The following ZAR1 variants were observed in gnomAD, a reference collection of about 807,000 sequenced individuals.
ZAR1 encodes zygote arrest 1.
A neutral mutation model predicts 38.3 loss-of-function variants in ZAR1; 37 were observed. That is an observed-to-expected ratio of 0.97 (90% confidence interval 0.74 to 1.27). The LOEUF is 1.27. ZAR1 is among the 50% of genes most tolerant of loss of function. ZAR1 has a pLI of 0.00. For synonymous variants in ZAR1, 336 were observed against 292.0 expected (o/e 1.15, Z -1.53); for missense variants, 651 against 632.4 (o/e 1.03, Z -0.32).
chr4:48,492,516 G>C (rs755423320), intron 1 of ZAR1, among the ~76,000 whole-genome samples: 1 of 152,102 alleles, frequency 6.6e-6, no homozygotes, highest in Non-Finnish European at 1.5e-5. Flanking sequence ...CTACTTATTC[G>C]TTTATTAGCC....
chr4:48,491,114 C>T lies in ZAR1; in HGVS notation c.823C>T (p.Arg275Trp). 7.9e-7 allele frequency: 1 copy of T among 1,268,166 alleles called. No individual in the cohort carries two copies. The highest frequency in any genetic ancestry group is 9.9e-7 in the Non-Finnish European group (1 of 1,008,902). The allele number at this position is 1,268,166 out of a possible 1,614,324, so 78.6% of individuals were successfully genotyped here. ...GGCCCAGGAGGGCGAGGCGGCTCCG[C>T]GGTCGGCGCTAAGGAGCCCGGGGCA... ...REAQEGEAAPRSALRSPGQPP... is the reference protein window; with the variant it reads ...REAQEGEAAPWSALRSPGQPP... Residue 275 changes from arginine (R) to tryptophan (W), a missense_variant, in exon 1 of 4, where the codon CGG becomes TGG. This residue lies in a region of ZAR1 where 522 missense variants were observed against 459.9 expected (regional missense o/e 1.14). Coordinates refer to ENST00000327939, the MANE Select transcript of ZAR1 (RefSeq NM_175619.3).
downstream of ZAR1, among the ~76,000 whole-genome samples, chr4:48,495,971 G>A (rs1577776602): frequency 3.9e-5 from 6 of 152,278 alleles, no homozygotes; most frequent in South Asian, 1.2e-3. Flanking sequence ...CTCTACTGGA[G>A]TGCAGGGGCT....
At position 48,494,320 on chromosome 4, in the gene ZAR1, C is replaced by A. The variant is rs543465240; in HGVS notation, c.*76C>A. 1,351 of 1,563,882 alleles carry A rather than the reference C, an allele frequency of 8.6e-4. 1 individual carries two copies. Among genetic ancestry groups the A allele is most frequent in the Non-Finnish European group, 1.1e-3 (1,263 of 1,145,626 alleles). ...TTTCCGTGCCTCTCCTCCACCTCTC[C>A]CTTCTCAAAATACTTCATGAAAGGC... On this transcript the variant is annotated 3_prime_UTR_variant, in exon 4 of 4. Transcript: ENST00000327939.
At position 48,492,966 on chromosome 4, in the gene ZAR1, G is replaced by A; in HGVS notation, c.1085G>A (p.Cys362Tyr). 6.2e-7 allele frequency: 1 copy of A among 1,614,206 alleles called. No individual in the cohort carries two copies. The highest frequency in any genetic ancestry group is 8.5e-7 in the Non-Finnish European group (1 of 1,180,032). The change falls in exon 3 of 4, where the codon TGT becomes TAT. Residue 362 changes from cysteine (C) to tyrosine (Y), a missense_variant. Transcript: ENST00000327939. Reference sequence around the variant, plus strand: ...TACTTCAAACAGTTTTGCAGAACTTGTCAGAAGTCTTATAACCCTTACCGA... The same window carrying A: ...TACTTCAAACAGTTTTGCAGAACTTATCAGAAGTCTTATAACCCTTACCGA... Reference protein sequence around the residue: ...KVYFKQFCRTCQKSYNPYRVE... With the variant: ...KVYFKQFCRTYQKSYNPYRVE...
At chr4:48,496,424 A>G (rs1718614310), downstream of ZAR1, among the ~76,000 whole-genome samples, 2 of 19,492 alleles carry the variant, frequency 1.0e-4, no homozygotes, top group South Asian at 7.0e-3. Context: ...ATGTACCTAC[A>G]TTGAGTCCTA....
downstream of ZAR1, among the ~76,000 whole-genome samples, chr4:48,496,913 T>C (rs533502764): frequency 1.3e-5 from 2 of 152,342 alleles, no homozygotes; most frequent in South Asian, 4.1e-4. Context: ...ATGTGAGCAG[T>C]ATTCACTCAC....
Position 48,490,282 on chromosome 4 carries a change from C to T in ZAR1, c.-10C>T, listed in dbSNP as rs1282204322. 3.3e-6 allele frequency: 5 copies of T among 1,495,798 alleles called. No individual in the cohort carries two copies. The highest frequency in any genetic ancestry group is 4.4e-6 in the Non-Finnish European group (5 of 1,129,170). The allele number at this position is 1,495,798 out of a possible 1,614,324, so 92.7% of individuals were successfully genotyped here. A position where few individuals can be genotyped will look rare whatever the true frequency, so the allele number is the denominator to read the frequency against. On this transcript the variant is annotated 5_prime_UTR_variant, in exon 1 of 4. Coordinates refer to ENST00000327939, the MANE Select transcript of ZAR1 (RefSeq NM_175619.3). ...TTTAGGGTGCGGCGGCGGGCGGGAGCAGTGCGCCCATGGCGGCCCTGGGGG... is the reference window on the plus strand; with the variant it reads ...TTTAGGGTGCGGCGGCGGGCGGGAGTAGTGCGCCCATGGCGGCCCTGGGGG...
chr4:48,496,475 T>C (rs886204623), downstream of ZAR1, among the ~76,000 whole-genome samples: 1 of 152,252 alleles, frequency 6.6e-6, no homozygotes, highest in African/African-American at 2.4e-5. Context: ...GTTACATTGT[T>C]CTTTAATATT....
At chr4:48,494,400 G>A, downstream of ZAR1, 1 of 935,674 alleles carries the variant, frequency 1.1e-6, no homozygotes, top group South Asian at 1.6e-5. Context: ...TTTATACATT[G>A]CATAAAATCT....
chr4:48,490,694 G>A lies in ZAR1; in HGVS notation c.403G>A (p.Glu135Lys). 1 of 1,316,388 alleles carries A rather than the reference G, an allele frequency of 7.6e-7. No individual in the cohort carries two copies. Among genetic ancestry groups the A allele is most frequent in the Non-Finnish European group, 9.6e-7 (1 of 1,037,720 alleles). The allele number at this position is 1,316,388 out of a possible 1,614,324, so 81.5% of individuals were successfully genotyped here. ...GCTGCAGCGCCGGGCCCGCGACCCCGAGTCCCCGGCCGGCCCCGGGGCCGA... is the reference window on the plus strand; with the variant it reads ...GCTGCAGCGCCGGGCCCGCGACCCCAAGTCCCCGGCCGGCCCCGGGGCCGA... ...RTLQRRARDP[E>K]SPAGPGAEGT... Residue 135 changes from glutamate (E) to lysine (K), a missense_variant, in exon 1 of 4, where the codon GAG (glutamate) becomes AAG (lysine). By Grantham distance (56) the Glu-to-Lys change is moderately conservative (BLOSUM62 1). This residue lies in a region of ZAR1 where 522 missense variants were observed against 459.9 expected (regional missense o/e 1.14). Transcript: ENST00000327939.
At chr4:48,495,979 G>C (rs547348455), downstream of ZAR1, among the ~76,000 whole-genome samples, 1 of 152,226 alleles carries the variant, frequency 6.6e-6, no homozygotes, top group African/African-American at 2.4e-5. Context: ...GAGTGCAGGG[G>C]CTACTCACAG....
At chr4:48,491,631 C>T (rs1240810181) in intron 1 of ZAR1, among the ~76,000 whole-genome samples, 2 of 152,348 alleles carry the variant, frequency 1.3e-5, no homozygotes, top group East Asian at 1.9e-4. Context: ...GCTGGAGAGT[C>T]GATTCCCAAG....
At chr4:48,494,689 CA>C (rs34211079), downstream of ZAR1, among the ~76,000 whole-genome samples, 48,604 of 146,426 alleles carry the variant, frequency 0.33, 8,238 homozygotes, top group African/African-American at 0.45. Flanking sequence ...GACTCCATCT[CA>C]AAAAAAAAAA....
chr4:48,496,592 A>AAAGTGG (rs1466296882), downstream of ZAR1, among the ~76,000 whole-genome samples: 2 of 152,206 alleles, frequency 1.3e-5, no homozygotes, highest in Non-Finnish European at 2.9e-5. Flanking sequence ...GATATTCAAC[A>AAAGTGG]AAGTGGCACA....
intron 1 of ZAR1, 113 bp downstream of exon 1, chr4:48,491,367 G>C: frequency 1.2e-6 from 1 of 841,722 alleles, no homozygotes; most frequent in Non-Finnish European, 1.6e-6. Flanking sequence ...CCCTAAGCGT[G>C]GGCTACTTCC....
At chr4:48,491,637 C>T (rs996320635) in intron 1 of ZAR1, among the ~76,000 whole-genome samples, 9 of 152,232 alleles carry the variant, frequency 5.9e-5, no homozygotes, top group Non-Finnish European at 1.3e-4. Flanking sequence ...GAGTCGATTC[C>T]CAAGGATCCC....
chr4:48,494,611 G>T (rs1297244965), downstream of ZAR1, among the ~76,000 whole-genome samples: 1 of 152,054 alleles, frequency 6.6e-6, no homozygotes, highest in Non-Finnish European at 1.5e-5. Flanking sequence ...AAGCTTAGAA[G>T]GAAGTTAACT....
Position 48,490,595 on chromosome 4 carries a change from G to A in ZAR1, c.304G>A (p.Gly102Ser), listed in dbSNP as rs1254141152. Residue 102 changes from glycine to serine, a missense_variant, in exon 1 of 4, where the codon GGC becomes AGC. By Grantham distance (56) the Gly-to-Ser change is moderately conservative (BLOSUM62 0). This residue lies in a region of ZAR1 where 522 missense variants were observed against 459.9 expected (regional missense o/e 1.14). Transcript: ENST00000327939. ...TCTCGGGCCGCGCGCCCGCAGGGCC[G>A]GCAGCTGCGACGTGGCGGTGCAGGT... ...PGLGPRARRA[G>S]SCDVAVQVSP... The A allele has an allele frequency of 6.5e-6, 9 of 1,380,558 alleles. No individual in the cohort carries two copies. Among genetic ancestry groups the A allele is most frequent in the Non-Finnish European group, 8.3e-6 (9 of 1,077,904 alleles). 85.5% of individuals were successfully genotyped at this position (1,380,558 alleles called of 1,614,324 possible). A position where few individuals can be genotyped will look rare whatever the true frequency, so the allele number is the denominator to read the frequency against.
At chr4:48,493,961 T>C (rs1304866507) in intron 3 of ZAR1, 140 bp from the exon 4 acceptor site, 1 of 1,031,050 alleles carries the variant, frequency 9.7e-7, no homozygotes, top group Admixed American at 2.8e-5. Flanking sequence ...GGTAGGGATG[T>C]AGAGGGAAAA....
Sources: gnomAD v4.1 joint callset for allele counts (sites outside exome capture counted in the v4.1 genomes callset) on GRCh38, gnomAD v4.1.1 for gene constraint, gnomAD v4.1.1 regional missense constraint, MANE v1.5 for transcripts, NCBI Gene and HGNC (gene_info 2026-07-23, HGNC 2026-07-21) for gene names.